Variants in NEK7 observed in about 807,000 individuals in gnomAD.
NEK7 encodes NIMA related kinase 7.
A neutral mutation model predicts 44.6 loss-of-function variants in NEK7; 18 were observed. The ratio of observed to expected loss-of-function variants is 0.40; its 90% CI spans 0.28 to 0.60. The LOEUF (loss-of-function observed/expected upper bound fraction) is 0.60, where lower values mean the gene tolerates loss of function less well. Among genes scored for constraint, NEK7 ranks in the 20% least tolerant of loss-of-function variants. NEK7 has a pLI of 0.38. For synonymous variants in NEK7, 130 were observed against 121.1 expected, an observed-to-expected ratio of 1.07 and a Z score of -0.48; for missense variants, 256 against 366.5, an observed-to-expected ratio of 0.70 and a Z score of 2.46.
intron 1 of NEK7, among the ~76,000 whole-genome samples, chr1:198,158,099 A>G (rs1159013243): frequency 6.6e-6 from 1 of 152,166 alleles, no homozygotes; most frequent in Non-Finnish European, 1.5e-5. Context: ...AAACCGCAGC[A>G]TCCTCTATTT....
At chr1:198,184,357 C>T (rs1353229194) in intron 1 of NEK7, among the ~76,000 whole-genome samples, 2 of 152,136 alleles carry the variant, frequency 1.3e-5, no homozygotes, top group Non-Finnish European at 2.9e-5. Flanking sequence ...TAAATATTAT[C>T]TCTTCAGTTG....
intron 2 of NEK7, among the ~76,000 whole-genome samples, chr1:198,232,846 T>C (rs1304247711): frequency 6.6e-6 from 1 of 151,758 alleles, no homozygotes. Context: ...TAGGTGTAAT[T>C]AGTACACTTT....
intron 9 of NEK7, among the ~76,000 whole-genome samples, chr1:198,303,628 T>A (rs1242410360): frequency 6.6e-6 from 1 of 152,158 alleles, no homozygotes; most frequent in Non-Finnish European, 1.5e-5. Context: ...CAAATTTTAA[T>A]AGATCTATAT....
chr1:198,285,024 C>T (rs918485061), intron 7 of NEK7, among the ~76,000 whole-genome samples: 1 of 152,088 alleles, frequency 6.6e-6, no homozygotes, highest in Non-Finnish European at 1.5e-5. Context: ...CTATTTAAAA[C>T]TGAACCTGAC....
intron 5 of NEK7, among the ~76,000 whole-genome samples, chr1:198,268,568 A>G (rs1653731309): frequency 6.6e-6 from 1 of 152,030 alleles, no homozygotes; most frequent in South Asian, 2.1e-4. Flanking sequence ...CATTCCTTAA[A>G]TCCGTTTCTC....
At chr1:198,189,085 G>A (rs1051815811) in intron 1 of NEK7, among the ~76,000 whole-genome samples, 8 of 152,062 alleles carry the variant, frequency 5.3e-5, no homozygotes, top group African/African-American at 1.9e-4. Context: ...AAAATCCTAA[G>A]TTAACAGTTT....
intron 9 of NEK7, among the ~76,000 whole-genome samples, chr1:198,308,496 A>T (rs1240247184): frequency 2.6e-5 from 4 of 152,202 alleles, no homozygotes; most frequent in Non-Finnish European, 5.9e-5. Flanking sequence ...ATCCCATTTC[A>T]GATACCCTGG....
At chr1:198,275,997 G>A (rs538504596) in intron 5 of NEK7, among the ~76,000 whole-genome samples, 46 of 151,552 alleles carry the variant, frequency 3.0e-4, no homozygotes, top group East Asian at 1.9e-3. Flanking sequence ...TTCTTTAAAG[G>A]CCTATAACGA....
chr1:198,289,420 T>C (rs190327165), intron 7 of NEK7, among the ~76,000 whole-genome samples: 5 of 152,192 alleles, frequency 3.3e-5, no homozygotes, highest in East Asian at 1.9e-4. Context: ...CTGTAAGTGG[T>C]ACAGAATTTT....
chr1:198,305,322 G>C (rs1654992830), intron 9 of NEK7, among the ~76,000 whole-genome samples: 1 of 152,132 alleles, frequency 6.6e-6, no homozygotes, highest in Admixed American at 6.5e-5. Context: ...CATTTTCCTT[G>C]AACATGGTTA....
chr1:198,233,615 G>A (rs1269650587), intron 2 of NEK7, among the ~76,000 whole-genome samples: 1 of 152,138 alleles, frequency 6.6e-6, no homozygotes, highest in Non-Finnish European at 1.5e-5. Context: ...AGGTTTGAGA[G>A]ACTTGGGGAA....
intron 2 of NEK7, among the ~76,000 whole-genome samples, chr1:198,243,237 T>TCA: frequency 6.6e-6 from 1 of 152,354 alleles, no homozygotes; most frequent in South Asian, 2.1e-4. Flanking sequence ...ACATTCTATA[T>TCA]CACATCACTT....
chr1:198,277,915 T>C (rs1457807593), intron 5 of NEK7, 46 bp from the exon 6 acceptor site: 1 of 1,125,900 alleles, frequency 8.9e-7, no homozygotes, highest in Admixed American at 1.8e-5. Context: ...AATCCAGTCT[T>C]GAGAAATTTT....
intron 8 of NEK7, 51 bp from the exon 9 acceptor site, chr1:198,297,076 C>T (rs918214655): frequency 2.6e-6 from 3 of 1,163,442 alleles, no homozygotes; most frequent in Admixed American, 1.8e-5. Flanking sequence ...GATGAAATCA[C>T]CTTTTAAGTT....
chr1:198,206,679 T>A (rs1182077285), intron 1 of NEK7, among the ~76,000 whole-genome samples: 6 of 151,366 alleles, frequency 4.0e-5, no homozygotes, highest in Non-Finnish European at 8.9e-5. Flanking sequence ...CAAAAAGATT[T>A]AAAAAAAAAG....
At chr1:198,181,799 T>C (rs182839183) in intron 1 of NEK7, among the ~76,000 whole-genome samples, 1 of 152,282 alleles carries the variant, frequency 6.6e-6, no homozygotes, top group African/African-American at 2.4e-5. Context: ...TGGACTAATC[T>C]ATGAACCCAA....
intron 3 of NEK7, among the ~76,000 whole-genome samples, chr1:198,255,462 G>A (rs1199679911): frequency 6.6e-6 from 1 of 152,000 alleles, no homozygotes; most frequent in South Asian, 2.1e-4. Flanking sequence ...ATTTTACATT[G>A]CAGAACCTTC....
At chr1:198,306,798 T>C (rs1182417131) in intron 9 of NEK7, among the ~76,000 whole-genome samples, 1 of 152,126 alleles carries the variant, frequency 6.6e-6, no homozygotes, top group African/African-American at 2.4e-5. Context: ...TTTCCCCTTA[T>C]TATAACAAAA....
At chr1:198,170,501 C>T (rs1664405250) in intron 1 of NEK7, among the ~76,000 whole-genome samples, 1 of 152,164 alleles carries the variant, frequency 6.6e-6, no homozygotes, top group Admixed American at 6.5e-5. Context: ...CAGTTCATTC[C>T]TAGTTCTAGG....
Sources: allele counts gnomAD v4.1 joint callset (sites outside exome capture counted in the v4.1 genomes callset), GRCh38; gene constraint gnomAD v4.1.1; transcripts MANE v1.5; gene names NCBI Gene and HGNC (gene_info 2026-07-23, HGNC 2026-07-21).